MBOAT4: variants seen among roughly 807,000 people sequenced by gnomAD.
MBOAT4 encodes membrane-bound ghrelin O-acyltransferase MBOAT4.
A neutral mutation model predicts 13.2 loss-of-function variants in MBOAT4; 11 were observed. That is an observed-to-expected ratio of 0.84 (90% CI 0.53 to 1.38). The LOEUF is 1.38. Ranked by LOEUF, MBOAT4 falls within the 40% of genes most tolerant of loss-of-function variation. MBOAT4 has a pLI of 0.00. For missense variants in MBOAT4, 481 were observed against 527.2 expected, an observed-to-expected ratio of 0.91 and a Z score of 0.86; for synonymous variants, 202 against 210.3, an observed-to-expected ratio of 0.96 and a Z score of 0.34.
At chr8:30,143,376 T>A (rs12334745) in intron 1 of MBOAT4, among the ~76,000 whole-genome samples, 536 of 3,524 alleles carry the variant, frequency 0.15, 4 homozygotes, top group Non-Finnish European at 0.19. Flanking sequence ...AATATATATA[T>A]ATATATATAT....
Position 30,138,617 on chromosome 8 carries a change from AGGTCCACCT to A in MBOAT4, c.250_258del (p.Arg84_Thr86del). ...GTCTGCCAGCTCATCTGAAAGCAGA[AGGTCCACCT>A]GTGGACTTGCTGAGGAGCCAGGGAA... On this transcript the variant is annotated inframe_deletion, in exon 2 of 3. Coordinates refer to ENST00000320542, the MANE Select transcript of MBOAT4 (RefSeq NM_001100916.2). 6.4e-7 allele frequency: 1 copy of A among 1,551,702 alleles called. No individual in the cohort carries two copies. The highest frequency in any genetic ancestry group is 8.7e-7 in the Non-Finnish European group (1 of 1,146,984).
At chr8:30,138,812 T>C in intron 1 of MBOAT4, 56 bp from the exon 2 acceptor site, 1 of 1,358,434 alleles carries the variant, frequency 7.4e-7, no homozygotes, top group Middle Eastern at 2.5e-4. Flanking sequence ...AGCAAAGGAA[T>C]TACTGCAGAT....
At chr8:30,137,339 A>T (rs1585486039) in intron 2 of MBOAT4, 2 of 1,551,704 alleles carry the variant, frequency 1.3e-6, no homozygotes, top group Middle Eastern at 3.3e-4. Flanking sequence ...ACACTGACAC[A>T]GCAGCTGCCT....
rs1290984276 is a variant in MBOAT4, at chr8:30,132,041, A to T, written c.1210T>A (p.Ser404Thr). Residue 404 changes from serine to threonine, a missense_variant, in exon 3 of 3, where the codon TCT (serine) becomes ACT (threonine). Physicochemically the swap from Ser to Thr is moderately conservative, Grantham distance 58. Coordinates refer to ENST00000320542, the MANE Select transcript of MBOAT4 (RefSeq NM_001100916.2). Reference sequence around the variant, plus strand: ...TACGAATTACAGAGCAACCAGAGAGAGGAGAGACTCCTGACCTCCACAGCC... The same window carrying T: ...TACGAATTACAGAGCAACCAGAGAGTGGAGAGACTCCTGACCTCCACAGCC... The part of the protein sequence containing the change: ...MLAVEVRSLS[S>T]LWLLCNSYNS... The T allele has an allele frequency of 1.3e-6, 2 of 1,551,882 alleles. No homozygotes were observed. The highest frequency in any genetic ancestry group is 1.7e-6 in the Non-Finnish European group (2 of 1,147,044).
intron 2 of MBOAT4, among the ~76,000 whole-genome samples, chr8:30,135,847 G>A (rs542584003): frequency 3.4e-4 from 51 of 150,428 alleles, no homozygotes; most frequent in African/African-American, 7.1e-4. Flanking sequence ...CCAGGAGGTC[G>A]AGGCTGCAGT....
At chr8:30,141,427 G>A (rs1292012880) in intron 1 of MBOAT4, among the ~76,000 whole-genome samples, 1 of 152,114 alleles carries the variant, frequency 6.6e-6, no homozygotes, top group Non-Finnish European at 1.5e-5. Flanking sequence ...TTGAAGTCAG[G>A]AGTTCGAGGC....
intron 1 of MBOAT4, among the ~76,000 whole-genome samples, chr8:30,141,071 A>G (rs1803253526): frequency 6.6e-6 from 1 of 151,744 alleles, no homozygotes; most frequent in Non-Finnish European, 1.5e-5. Context: ...GAACTCCCAG[A>G]CTCATGCAAT....
rs1042653316 is a variant in MBOAT4 at position 30,138,374 on chromosome 8, A to G, written c.344+158T>C. ...AGCCCCATATCTTTTCCAGAAAAAG[A>G]AATGAGTCTGAAAGAGGTAAAATGA... On this transcript the variant is annotated intron_variant, in intron 2 of 2. Transcript: ENST00000320542. 1.0e-5 allele frequency: 6 copies of G among 595,900 alleles called. No individual in the cohort carries two copies. In the African/African-American group the frequency reaches 1.1e-4, roughly 11 times the overall value. The allele number at this position is 595,900 out of a possible 1,614,324, so 36.9% of individuals were successfully genotyped here.
intron 2 of MBOAT4, chr8:30,138,031 T>G (rs971574598): frequency 5.8e-6 from 1 of 172,246 alleles, no homozygotes; most frequent in Non-Finnish European, 1.3e-5. Flanking sequence ...ACCCAGGAGC[T>G]GACTCAATGC....
intron 2 of MBOAT4, chr8:30,137,959 C>G (rs1803183675): frequency 5.1e-6 from 1 of 198,018 alleles, no homozygotes; most frequent in African/African-American, 2.3e-5. Flanking sequence ...AGACCCTGCC[C>G]TTGATGGATC....
intron 2 of MBOAT4, chr8:30,138,308 T>A (rs1383657808): frequency 4.5e-6 from 2 of 442,866 alleles, no homozygotes; most frequent in African/African-American, 3.9e-5. Context: ...CACTGGGCGG[T>A]TACACTAACA....
In MBOAT4 at chr8:30,138,552, C is replaced by A; in HGVS notation, c.324G>T (p.Leu108=). The change falls in exon 2 of 3, where the codon CTG becomes CTT. Residue 108 remains leucine (L), a synonymous_variant. Transcript: ENST00000320542. ...HLGLHYTEYY[L]HEPPSVRFCI... ...CTTACCTCACAGAAGGAGGCTCATGCAGATAATACTCAGTGTAGTGCAGAC... is the reference window on the plus strand; with the variant it reads ...CTTACCTCACAGAAGGAGGCTCATGAAGATAATACTCAGTGTAGTGCAGAC... 6.5e-7 allele frequency: 1 copy of A among 1,549,498 alleles called. No individual in the cohort carries two copies. Among genetic ancestry groups the A allele is most frequent in the Admixed American group, 2.0e-5 (1 of 50,952 alleles).
intron 1 of MBOAT4, among the ~76,000 whole-genome samples, chr8:30,139,508 C>T (rs1041488299): frequency 1.3e-5 from 2 of 152,176 alleles, no homozygotes; most frequent in African/African-American, 2.4e-5. Flanking sequence ...TCGTGCTACC[C>T]GGAAGCATTC....
At chr8:30,137,591 A>G in intron 2 of MBOAT4, 2 of 995,618 alleles carry the variant, frequency 2.0e-6, no homozygotes, top group Non-Finnish European at 3.0e-6. Flanking sequence ...ATTCATTCTA[A>G]TGAAACTGCC....
rs771371623 is a variant in MBOAT4, at chr8:30,132,179, C to A, written c.1072G>T (p.Asp358Tyr). The A allele has an allele frequency of 6.4e-7, 1 of 1,551,834 alleles. No homozygotes were observed. Among genetic ancestry groups the A allele is most frequent in the East Asian group, 2.4e-5 (1 of 40,930 alleles). ...TTGGCAAAGGAGTGAATCAGGTAGT[C>A]AGCTTCCACCATCACGGCCCAGCAA... ...FVCWAVMVEA[D>Y]YLIHSFANEF... The change falls in exon 3 of 3, where the codon GAC becomes TAC. Residue 358 changes from aspartate (D) to tyrosine (Y), a missense_variant. By Grantham distance (160) the Asp-to-Tyr change is radical. Coordinates refer to ENST00000320542, the MANE Select transcript of MBOAT4 (RefSeq NM_001100916.2).
chr8:30,143,883 C>A (rs988407778), intron 1 of MBOAT4, among the ~76,000 whole-genome samples: 10 of 152,170 alleles, frequency 6.6e-5, no homozygotes, highest in African/African-American at 2.4e-4. Context: ...TTGGAGAATT[C>A]CTGTACCATC....
intron 2 of MBOAT4, among the ~76,000 whole-genome samples, chr8:30,133,592 GAATT>G (rs1175217783): frequency 6.6e-6 from 1 of 152,020 alleles, no homozygotes; most frequent in Non-Finnish European, 1.5e-5. Context: ...GAAGGTTCTT[GAATT>G]AATTCAGAAC....
At position 30,132,676 on chromosome 8, in the gene MBOAT4, C is replaced by T. The variant is rs927697384; in HGVS notation, c.575G>A (p.Gly192Glu). The change falls in exon 3 of 3, where the codon GGG (glycine) becomes GAG (glutamate). Residue 192 changes from glycine (G) to glutamate (E), a missense_variant. Gly to Glu is a moderately conservative substitution (Grantham distance 98). Coordinates refer to ENST00000320542, the MANE Select transcript of MBOAT4 (RefSeq NM_001100916.2). ...SFQRFQARVQ[G>E]SSALHPRHSF... ...GTGTCTGGGATGCAAAGCACTGGAC[C>T]CTTGAACACGAGCCTGAAATCGCTG... 2.1e-5 allele frequency: 32 copies of T among 1,551,702 alleles called. No homozygotes were observed. In the Admixed American group the frequency reaches 5.3e-4, roughly 26 times the overall value.
intron 2 of MBOAT4, chr8:30,137,419 G>A: frequency 6.4e-7 from 1 of 1,551,700 alleles, no homozygotes; most frequent in Non-Finnish European, 8.7e-7. Flanking sequence ...GCTGAGGCTG[G>A]CAGACAGTGC....
Sources: gnomAD v4.1 joint callset for allele counts (sites outside exome capture counted in the v4.1 genomes callset) on GRCh38, gnomAD v4.1.1 for gene constraint, MANE v1.5 for transcripts, NCBI Gene and HGNC (gene_info 2026-07-23, HGNC 2026-07-21) for gene names.